Variants in LRRK2 observed in about 807,000 individuals in gnomAD.
LRRK2 encodes the protein leucine-rich repeat serine/threonine-protein kinase 2.
A neutral mutation model predicts 302.6 loss-of-function variants in LRRK2; 203 were observed. The observed-to-expected ratio is 0.67, with a 90% CI of 0.60 to 0.75. The LOEUF is 0.75. LRRK2 is among the 30% of genes least tolerant of loss of function. The pLI is 0.00. For synonymous variants in LRRK2, 1,066 were observed against 1,031.9 expected, an observed-to-expected ratio of 1.03 and a Z score of -0.63; for missense variants, 2,830 against 2,951.0, an observed-to-expected ratio of 0.96 and a Z score of 0.95.
At chr12:40,331,604 A>AT (rs1945715037) in intron 39 of LRRK2, among the ~76,000 whole-genome samples, 1 of 151,854 alleles carries the variant, frequency 6.6e-6, no homozygotes, top group Admixed American at 6.6e-5. Context: ...TTACAAAAAA[A>AT]AAATCTCATA....
Position 40,299,212 on chromosome 12 carries a change from G to A in LRRK2, c.3451G>A (p.Ala1151Thr), listed in dbSNP as rs74985840. The change falls in exon 25 of 51, where the codon GCT becomes ACT. Residue 1151 changes from alanine to threonine, a missense_variant. Ala to Thr is a moderately conservative substitution (Grantham distance 58). This residue lies in a region of LRRK2 where 2,121 missense variants were observed against 2,148.0 expected (regional missense o/e 0.99). Transcript: ENST00000298910. ...ISSLSENFLE[A>T]CPKVESFSAR... ...ATCCCTATCAGAGAACTTTCTTGAGGCTTGTCCTAAAGTGGAGAGTTTCAG... is the reference window on the plus strand; with the variant it reads ...ATCCCTATCAGAGAACTTTCTTGAGACTTGTCCTAAAGTGGAGAGTTTCAG... 6.2e-5 allele frequency: 100 copies of A among 1,613,422 alleles called. No individual in the cohort carries two copies. Among genetic ancestry groups the A allele is most frequent in the Admixed American group, 2.0e-4 (12 of 59,920 alleles).
intron 49 of LRRK2, chr12:40,365,880 T>A (rs773938307): frequency 3.9e-5 from 6 of 151,982 alleles, no homozygotes; most frequent in African/African-American, 1.4e-4. Flanking sequence ...ATGCTCTTAA[T>A]GACTGTAAAC....
intron 18 of LRRK2, 49 bp downstream of exon 18, chr12:40,278,310 A>G: frequency 6.3e-7 from 1 of 1,599,286 alleles, no homozygotes; most frequent in Non-Finnish European, 8.6e-7. Flanking sequence ...TTCTTATAGA[A>G]TGTAAGAGCC....
chr12:40,327,525 A>T (rs895122990), intron 38 of LRRK2, among the ~76,000 whole-genome samples: 2 of 152,232 alleles, frequency 1.3e-5, no homozygotes, highest in Admixed American at 6.5e-5. Context: ...AATGAGAAGT[A>T]GAACAAGAGG....
chr12:40,278,320 C>A, intron 18 of LRRK2, 59 bp downstream of exon 18: 1 of 1,573,408 alleles, frequency 6.4e-7, no homozygotes, highest in Non-Finnish European at 8.7e-7. Flanking sequence ...ATGTAAGAGC[C>A]CTGCCATTGT....
chr12:40,245,998 C>T (rs1391237468), intron 7 of LRRK2, among the ~76,000 whole-genome samples: 1 of 151,870 alleles, frequency 6.6e-6, no homozygotes, highest in South Asian at 2.1e-4. Context: ...TAAATAGAGC[C>T]ATTGATACTA....
chr12:40,287,257 G>A (rs1279301524), intron 19 of LRRK2, 94 bp from the exon 20 acceptor site: 7 of 1,070,722 alleles, frequency 6.5e-6, no homozygotes, highest in Non-Finnish European at 8.4e-6. Context: ...ATATTCTCCA[G>A]AAGCATAGCA....
chr12:40,300,720 G>A (rs1441572193), intron 25 of LRRK2: 1 of 460,260 alleles, frequency 2.2e-6, no homozygotes, highest in South Asian at 1.6e-5. Context: ...TGTCCTTAAG[G>A]AACTTGTGAT....
chr12:40,294,983 C>A, intron 22 of LRRK2, 69 bp downstream of exon 22: 1 of 935,978 alleles, frequency 1.1e-6, no homozygotes, highest in South Asian at 1.5e-5. Context: ...GTTGAATTTC[C>A]TCCAATTATT....
intron 48 of LRRK2, among the ~76,000 whole-genome samples, chr12:40,364,213 G>A (rs549906094): frequency 6.6e-6 from 1 of 152,100 alleles, no homozygotes; most frequent in East Asian, 1.9e-4. Context: ...TCTGTAAAAG[G>A]ATACTTCAAA....
chr12:40,347,026 ATT>A, intron 42 of LRRK2, 103 bp downstream of exon 42: 3 of 846,888 alleles, frequency 3.5e-6, no homozygotes, highest in Non-Finnish European at 5.4e-6. Context: ...ACAGATGATC[ATT>A]TTTTTTGTTT....
intron 33 of LRRK2, 116 bp from the exon 34 acceptor site, chr12:40,319,868 ACTTG>A: frequency 1.1e-6 from 1 of 909,196 alleles, no homozygotes; most frequent in South Asian, 1.7e-5. Context: ...ACTGTGTTGC[ACTTG>A]AAAACACTAA....
At chr12:40,343,273 C>T (rs17461964) in intron 41 of LRRK2, among the ~76,000 whole-genome samples, 116,846 of 152,104 alleles carry the variant, frequency 0.77, 45,730 homozygotes, top group Non-Finnish European at 0.86. Context: ...CAGATGGATA[C>T]ATTTATATCA....
chr12:40,353,798 A>G (rs1946443547), intron 44 of LRRK2, among the ~76,000 whole-genome samples: 2 of 152,270 alleles, frequency 1.3e-5, no homozygotes, highest in South Asian at 2.1e-4. Context: ...CCCGGCCAAC[A>G]CAGCGAAACC....
intron 39 of LRRK2, among the ~76,000 whole-genome samples, chr12:40,331,429 C>T (rs1592298950): frequency 6.6e-6 from 1 of 152,172 alleles, no homozygotes. Flanking sequence ...ATTGTTTCCC[C>T]TCTGCTTAGT....
intron 7 of LRRK2, among the ~76,000 whole-genome samples, chr12:40,243,896 C>T (rs1348954788): frequency 6.6e-6 from 1 of 151,872 alleles, no homozygotes; most frequent in Non-Finnish European, 1.5e-5. Flanking sequence ...AAAGGAGTGT[C>T]AAAAATAGAT....
Position 40,274,710 on chromosome 12 carries a change from T to A in LRRK2, c.1784T>A (p.Met595Lys), listed in dbSNP as rs530833077. Residue 595 changes from methionine (M) to lysine (K), a missense_variant, in exon 15 of 51, where the codon ATG becomes AAG. Physicochemically the swap from Met to Lys is moderately conservative, Grantham distance 95. Coordinates refer to ENST00000298910, the MANE Select transcript of LRRK2 (RefSeq NM_198578.4). ...GATTCAGTGCTTCACACACTGCAGA[T>A]GTATCCAGATGACCAAGGTCAGTAC... ...AMDSVLHTLQ[M>K]YPDDQEIQCL... 6.2e-7 allele frequency: 1 copy of A among 1,614,094 alleles called. No individual in the cohort carries two copies. The highest frequency in any genetic ancestry group is 2.2e-5 in the East Asian group (1 of 44,860).
rs10626458 is a variant in LRRK2 at position 40,363,312 on chromosome 12, A to ACATG, written c.7029-87_7029-86insGCAT. 970,149 of 1,126,922 alleles carry ACATG rather than the reference A, an allele frequency of 0.86. 419,167 individuals are homozygous for ACATG. The highest frequency in any genetic ancestry group is 0.89 in the Middle Eastern group (3,814 of 4,266). The allele number at this position is 1,126,922 out of a possible 1,614,324, so 69.8% of individuals were successfully genotyped here. Reference sequence around the variant, plus strand: ...GTTTAGTTTTCAAAATAGTGTTTTTACATTAAGAACTAATATAAGGTTGTA... The same window carrying ACATG: ...GTTTAGTTTTCAAAATAGTGTTTTTACATGCATTAAGAACTAATATAAGGTTGTA... On this transcript the variant is annotated intron_variant, in intron 47 of 50. Coordinates refer to ENST00000298910, the MANE Select transcript of LRRK2 (RefSeq NM_198578.4).
intron 42 of LRRK2, among the ~76,000 whole-genome samples, chr12:40,347,910 T>C (rs747510051): frequency 6.6e-6 from 1 of 151,970 alleles, no homozygotes; most frequent in Non-Finnish European, 1.5e-5. Context: ...TGAGCCGAGA[T>C]TGCGCCACTG....
Sources: gnomAD v4.1 joint callset for allele counts (sites outside exome capture counted in the v4.1 genomes callset) on GRCh38, gnomAD v4.1.1 for gene constraint, gnomAD v4.1.1 regional missense constraint, MANE v1.5 for transcripts, NCBI Gene and HGNC (gene_info 2026-07-23, HGNC 2026-07-21) for gene names.